TCAIM: variants seen among roughly 807,000 people sequenced by gnomAD.
TCAIM encodes T-cell activation inhibitor, mitochondrial.
Under a neutral mutation model 58.6 loss-of-function variants are expected in TCAIM, and 36 were observed. The observed-to-expected ratio is 0.61, with a 90% confidence interval of 0.47 to 0.81. TCAIM has a LOEUF of 0.81. Among genes scored for constraint, TCAIM ranks in the 30% least tolerant of loss-of-function variants. The pLI, the probability that TCAIM is intolerant of heterozygous loss-of-function variation, is 0.00. For missense variants in TCAIM, 466 were observed against 579.6 expected (o/e 0.80, Z 2.01); for synonymous variants, 172 against 193.6 (o/e 0.89, Z 0.93).
chr3:44,358,545 C>A, intron 3 of TCAIM: 1 of 379,616 alleles, frequency 2.6e-6, no homozygotes. Flanking sequence ...CAACTACTTA[C>A]ATAGCACTTA....
Position 44,367,714 on chromosome 3 carries a change from TAA to T in TCAIM, c.572+9_572+10del. The stretch of plus-strand genomic sequence containing the variant: ...AGAGTGGAAACAACTCTCACGTATG[TAA>T]AAGTTTTTATCTAACTAAACTGTAT... On this transcript the variant is annotated splice_region_variant and intron_variant, in intron 5 of 10. Coordinates refer to ENST00000342649, the MANE Select transcript of TCAIM (RefSeq NM_173826.4). 6.3e-7 allele frequency: 1 copy of T among 1,596,876 alleles called. No individual in the cohort carries two copies. The highest frequency in any genetic ancestry group is 8.6e-7 in the Non-Finnish European group (1 of 1,169,180).
intron 1 of TCAIM, among the ~76,000 whole-genome samples, chr3:44,353,451 T>C (rs1701132492): frequency 1.3e-5 from 2 of 152,252 alleles, no homozygotes; most frequent in Admixed American, 1.3e-4. Flanking sequence ...AGGACTACTA[T>C]TGCTGTATAG....
intron 5 of TCAIM, among the ~76,000 whole-genome samples, chr3:44,378,876 A>G (rs1701609461): frequency 6.6e-6 from 1 of 151,984 alleles, no homozygotes; most frequent in South Asian, 2.1e-4. Flanking sequence ...TTAAAAAGCC[A>G]GGCCAGGCAC....
intron 5 of TCAIM, among the ~76,000 whole-genome samples, chr3:44,386,220 A>AAC (rs1701738591): frequency 6.6e-6 from 1 of 151,660 alleles, no homozygotes; most frequent in African/African-American, 2.4e-5. Context: ...AAAAAAAAAA[A>AAC]AAAAAAAAAA....
chr3:44,407,205 A>G (rs1219719898), intron 10 of TCAIM, among the ~76,000 whole-genome samples: 1 of 152,216 alleles, frequency 6.6e-6, no homozygotes, highest in Non-Finnish European at 1.5e-5. Flanking sequence ...CTTTACTGCT[A>G]AAAACATTAA....
chr3:44,405,772 A>G (rs1035601450), intron 10 of TCAIM, among the ~76,000 whole-genome samples: 5 of 151,412 alleles, frequency 3.3e-5, no homozygotes, highest in African/African-American at 7.3e-5. Context: ...CCTGGCCAAC[A>G]TGGCAAAACC....
At chr3:44,404,368 C>T (rs56004233) in intron 10 of TCAIM, among the ~76,000 whole-genome samples, 22,418 of 152,120 alleles carry the variant, frequency 0.15, 1,696 homozygotes, top group Admixed American at 0.17. Context: ...TTGTTCCCTC[C>T]GGTGCCAACT....
intron 5 of TCAIM, among the ~76,000 whole-genome samples, chr3:44,378,133 C>G (rs1305166465): frequency 6.6e-6 from 1 of 151,184 alleles, no homozygotes; most frequent in Non-Finnish European, 1.5e-5. Context: ...GTAATCCCAG[C>G]ACTTTGGGAG....
intron 4 of TCAIM, among the ~76,000 whole-genome samples, chr3:44,365,139 A>C (rs886892000): frequency 2.6e-5 from 4 of 152,184 alleles, no homozygotes; most frequent in African/African-American, 9.7e-5. Flanking sequence ...CCAGTGCAGC[A>C]ATTTGGGTTT....
chr3:44,378,162 T>C lies in TCAIM; in HGVS notation c.572+10454T>C, dbSNP rs902908572. 4.0e-5 allele frequency among the ~76,000 whole-genome samples: 6 copies of C among 150,620 alleles called. No individual in the cohort carries two copies. In the South Asian group the frequency reaches 1.3e-3, roughly 32 times the overall value. On this transcript the variant is annotated intron_variant, in intron 5 of 10. Coordinates refer to ENST00000342649, the MANE Select transcript of TCAIM (RefSeq NM_173826.4). ...TTGGGAGGCTGAGGTGGGTGGATCA[T>C]CTGAGGTCCAGAGTTTGAGACCAGC...
intron 4 of TCAIM, among the ~76,000 whole-genome samples, chr3:44,365,621 C>G (rs538883327): frequency 2.0e-4 from 30 of 152,086 alleles, no homozygotes; most frequent in Admixed American, 9.8e-4. Flanking sequence ...AACCACTGCC[C>G]CGGCCTCATA....
chr3:44,402,810 G>A (rs918557457), intron 10 of TCAIM, among the ~76,000 whole-genome samples: 3 of 152,054 alleles, frequency 2.0e-5, no homozygotes, highest in Admixed American at 6.6e-5. Context: ...TGGAGAGAAT[G>A]CCATTCCACA....
chr3:44,365,082 A>G (rs977932389), intron 4 of TCAIM, among the ~76,000 whole-genome samples: 26 of 149,716 alleles, frequency 1.7e-4, no homozygotes, highest in Non-Finnish European at 5.9e-5. Context: ...AAACAGATTT[A>G]CTCCTTGACT....
chr3:44,368,102 A>G (rs1282825393), intron 5 of TCAIM, among the ~76,000 whole-genome samples: 1 of 152,242 alleles, frequency 6.6e-6, no homozygotes, highest in African/African-American at 2.4e-5. Flanking sequence ...TCTAACGGAT[A>G]GTTCAGTAGT....
chr3:44,348,268 G>A (rs1052997373), intron 1 of TCAIM, among the ~76,000 whole-genome samples: 1 of 152,192 alleles, frequency 6.6e-6, no homozygotes, highest in African/African-American at 2.4e-5. Context: ...GAGGCCATCA[G>A]GCAGCATCAG....
At chr3:44,365,670 A>G (rs1303994124) in intron 4 of TCAIM, among the ~76,000 whole-genome samples, 1 of 152,168 alleles carries the variant, frequency 6.6e-6, no homozygotes, top group East Asian at 1.9e-4. Context: ...GGAAAAGGTC[A>G]AAGAACAGTG....
chr3:44,352,641 A>G (rs182949988), intron 1 of TCAIM, among the ~76,000 whole-genome samples: 94 of 152,210 alleles, frequency 6.2e-4, no homozygotes, highest in African/African-American at 2.1e-3. Flanking sequence ...TTATCACCCA[A>G]AGTCCATGCT....
chr3:44,384,896 G>A (rs1701711712), intron 5 of TCAIM, among the ~76,000 whole-genome samples: 1 of 152,146 alleles, frequency 6.6e-6, no homozygotes, highest in Non-Finnish European at 1.5e-5. Flanking sequence ...GCAAATACAG[G>A]CATTTATTAA....
At position 44,408,072 on chromosome 3, in the gene TCAIM, G is replaced by A. The variant is rs1169715868; in HGVS notation, c.*390G>A. On this transcript the variant is annotated 3_prime_UTR_variant, in exon 11 of 11. Transcript: ENST00000342649. ...AGATTTTATATCCCAGTCTTATGATGTTGGTTGGCAAGGCTAGATAAAAAG... is the reference window on the plus strand; with the variant it reads ...AGATTTTATATCCCAGTCTTATGATATTGGTTGGCAAGGCTAGATAAAAAG... 6.5e-6 allele frequency: 1 copy of A among 152,728 alleles called. No homozygotes were observed. Among genetic ancestry groups the A allele is most frequent in the Admixed American group, 6.5e-5 (1 of 15,294 alleles). The allele number at this position is 152,728 out of a possible 1,614,324, so 9.5% of individuals were successfully genotyped here. A position where few individuals can be genotyped will look rare whatever the true frequency, so the allele number is the denominator to read the frequency against.
Sources: allele counts gnomAD v4.1 joint callset (sites outside exome capture counted in the v4.1 genomes callset), GRCh38; gene constraint gnomAD v4.1.1; transcripts MANE v1.5; gene names NCBI Gene and HGNC (gene_info 2026-07-23, HGNC 2026-07-21).